NINL: variants seen among roughly 807,000 people sequenced by gnomAD.
NINL encodes the protein ninein-like protein.
NINL carries 153 observed loss-of-function variants against 160.3 expected under a neutral mutation model. The observed-to-expected ratio is 0.95, with a 90% confidence interval of 0.84 to 1.09. NINL has a LOEUF of 1.09. Ranked by LOEUF, NINL falls within the 50% of genes least tolerant of loss-of-function variation. NINL has a pLI of 0.00. For missense variants in NINL, 1,829 were observed against 1,764.0 expected (o/e 1.04, Z -0.66); for synonymous variants, 800 against 734.8 (o/e 1.09, Z -1.43).
intron 1 of NINL, among the ~76,000 whole-genome samples, chr20:25,557,946 T>C (rs1600338916): frequency 7.0e-6 from 1 of 142,294 alleles, no homozygotes; most frequent in Non-Finnish European, 1.5e-5. Flanking sequence ...CTGGCCGACA[T>C]GGTGAAACCC....
intron 14 of NINL, among the ~76,000 whole-genome samples, chr20:25,481,014 C>T (rs1246795211): frequency 6.6e-6 from 1 of 152,130 alleles, no homozygotes; most frequent in Non-Finnish European, 1.5e-5. Flanking sequence ...CAGGAGCCAG[C>T]AGGGGAGGGG....
chr20:25,466,242 G>C (rs956153807), intron 19 of NINL, among the ~76,000 whole-genome samples: 2 of 151,788 alleles, frequency 1.3e-5, no homozygotes, highest in Non-Finnish European at 2.9e-5. Context: ...GGCTGGTCTT[G>C]AACTCCTGGG....
intron 3 of NINL, among the ~76,000 whole-genome samples, chr20:25,515,677 T>C (rs968587421): frequency 1.3e-5 from 2 of 152,226 alleles, no homozygotes; most frequent in East Asian, 1.9e-4. Flanking sequence ...TAGGAGGTGA[T>C]TGAATCATGG....
chr20:25,479,049 C>A lies in NINL; in HGVS notation c.2075G>T (p.Gly692Val), dbSNP rs753421509. Residue 692 changes from glycine (G) to valine (V), a missense_variant, in exon 16 of 24, where the codon GGC becomes GTC. Gly to Val is a moderately radical substitution (Grantham distance 109). Transcript: ENST00000278886. The stretch of plus-strand genomic sequence containing the variant: ...TGTGTCCTGCAGCTGCTCCTGCAGG[C>A]CCCAGATGACCTCCTGAGACTTCTC... ...LHEKSQEVIW[G>V]LQEQLQDTAR... 43 of 1,611,732 alleles carry A rather than the reference C, an allele frequency of 2.7e-5. No individual in the cohort carries two copies. Among genetic ancestry groups the A allele is most frequent in the Non-Finnish European group, 3.5e-5 (41 of 1,180,020 alleles).
chr20:25,471,185 G>T (rs1425438890), intron 17 of NINL, among the ~76,000 whole-genome samples: 1 of 151,896 alleles, frequency 6.6e-6, no homozygotes, highest in Non-Finnish European at 1.5e-5. Context: ...TGGAGATGGG[G>T]TCTCGATAGG....
intron 4 of NINL, among the ~76,000 whole-genome samples, chr20:25,512,594 A>T (rs1286527611): frequency 6.6e-6 from 1 of 152,166 alleles, no homozygotes. Context: ...AGTCTGAGGA[A>T]ATTCTCTATT....
chr20:25,467,640 C>T (rs116542575), intron 18 of NINL, among the ~76,000 whole-genome samples, 182 bp from the exon 19 acceptor site: 1,909 of 152,244 alleles, frequency 0.013, 32 homozygotes, highest in African/African-American at 0.041. Flanking sequence ...ATGAAGACGA[C>T]GATCCCGTCT....
intron 3 of NINL, among the ~76,000 whole-genome samples, chr20:25,516,445 G>A (rs2064161811): frequency 6.6e-6 from 1 of 152,190 alleles, no homozygotes; most frequent in Non-Finnish European, 1.5e-5. Context: ...ACAGTTTGTT[G>A]TTTCTTTGGA....
chr20:25,503,988 AGT>A lies in NINL; in HGVS notation c.823_824del (p.Thr275SerfsTer3), dbSNP rs753156138. ...ACCAAGCCTTGCTCGGTTTAACCCGAGTGGAAGACTCTAGAAGTAGCGCGGGC... is the reference window on the plus strand; with the variant it reads ...ACCAAGCCTTGCTCGGTTTAACCCGAGGAAGACTCTAGAAGTAGCGCGGGC... Reference protein sequence around the residue: ...HEPALLLESSTRVKPSKAWSH... With the variant: ...HEPALLLESSXRVKPSKAWSH... On this transcript the variant is annotated frameshift_variant, in exon 7 of 24. Transcript: ENST00000278886. LOFTEE classifies it high-confidence loss of function. 1.2e-5 allele frequency: 20 copies of A among 1,613,976 alleles called. No homozygotes were observed. Among genetic ancestry groups the A allele is most frequent in the Non-Finnish European group, 1.7e-5 (20 of 1,179,968 alleles).
chr20:25,583,380 T>C (rs984054105), intron 1 of NINL, among the ~76,000 whole-genome samples: 1 of 152,066 alleles, frequency 6.6e-6, no homozygotes, highest in African/African-American at 2.4e-5. Flanking sequence ...AAAAAGCTCA[T>C]CATCACTGGT....
At chr20:25,534,797 A>G (rs2064528723) in intron 1 of NINL, among the ~76,000 whole-genome samples, 1 of 152,228 alleles carries the variant, frequency 6.6e-6, no homozygotes, top group African/African-American at 2.4e-5. Context: ...CTATAAAATG[A>G]TGTAGTATTT....
chr20:25,563,302 T>C (rs1171244635), intron 1 of NINL, among the ~76,000 whole-genome samples: 2 of 152,260 alleles, frequency 1.3e-5, no homozygotes, highest in African/African-American at 4.8e-5. Context: ...GGAACTTGCA[T>C]GGCAATATGG....
chr20:25,520,807 C>T (rs1419372249), intron 2 of NINL, among the ~76,000 whole-genome samples: 1 of 152,202 alleles, frequency 6.6e-6, no homozygotes. Context: ...TCTAGCTTCC[C>T]TTTTAAAATT....
chr20:25,457,204 G>A (rs146328219), intron 22 of NINL, among the ~76,000 whole-genome samples: 4 of 152,220 alleles, frequency 2.6e-5, no homozygotes, highest in African/African-American at 9.6e-5. Flanking sequence ...CGTGCCTGTA[G>A]TCCCAGCTAC....
chr20:25,584,511 T>A (rs967987961), intron 1 of NINL, among the ~76,000 whole-genome samples: 22 of 152,290 alleles, frequency 1.4e-4, no homozygotes, highest in Middle Eastern at 3.4e-3. Context: ...AAAACTCTGC[T>A]TTTAAAAGTA....
At chr20:25,488,543 C>T (rs1018477890) in intron 13 of NINL, among the ~76,000 whole-genome samples, 97 of 151,992 alleles carry the variant, frequency 6.4e-4, no homozygotes, top group African/African-American at 2.1e-3. Context: ...CATTCTCTTT[C>T]GGGGCACGTG....
intron 14 of NINL, among the ~76,000 whole-genome samples, chr20:25,481,473 T>C (rs2063386808): frequency 6.6e-6 from 1 of 152,150 alleles, no homozygotes; most frequent in African/African-American, 2.4e-5. Context: ...TCCCATTGGC[T>C]GCGAGCACAG....
intron 1 of NINL, among the ~76,000 whole-genome samples, chr20:25,534,927 G>A (rs2064530733): frequency 6.6e-6 from 1 of 152,216 alleles, no homozygotes; most frequent in Admixed American, 6.5e-5. Flanking sequence ...AGGGAATAAT[G>A]ACAAGAAAAC....
At chr20:25,537,120 T>C (rs1382170445) in intron 1 of NINL, among the ~76,000 whole-genome samples, 1 of 152,192 alleles carries the variant, frequency 6.6e-6, no homozygotes, top group Non-Finnish European at 1.5e-5. Flanking sequence ...AGGGTCTCCC[T>C]CTTGTTGGCT....
Sources: allele counts gnomAD v4.1 joint callset (sites outside exome capture counted in the v4.1 genomes callset), GRCh38; gene constraint gnomAD v4.1.1; transcripts MANE v1.5; gene names NCBI Gene and HGNC (gene_info 2026-07-23, HGNC 2026-07-21).